SPG7: variants seen among roughly 807,000 people sequenced by gnomAD.
SPG7 encodes SPG7 matrix AAA peptidase subunit, paraplegin.
SPG7 carries 103 observed loss-of-function variants against 81.9 expected under a neutral mutation model. The ratio of observed to expected loss-of-function variants is 1.26; its 90% CI spans 1.07 to 1.48. The LOEUF is 1.48. Among genes scored for constraint, SPG7 ranks in the 40% most tolerant of loss-of-function variants. SPG7 has a pLI of 0.00. For missense variants in SPG7, 1,241 were observed against 1,087.3 expected (o/e 1.14, Z -1.99); for synonymous variants, 534 against 444.2 (o/e 1.20, Z -2.54).
rs759852509 is a variant in SPG7, at chr16:89,546,633, G to C, written c.1450-25G>C. 9 of 1,555,262 alleles carry C rather than the reference G, an allele frequency of 5.8e-6. 1 individual carries two copies. In the Admixed American group the frequency reaches 1.3e-4, roughly 23 times the overall value. On this transcript the variant is annotated intron_variant, in intron 10 of 16. Transcript: ENST00000645818. ...GCAGTAACTAGGCTTGAGCCCGACT[G>C]TCTTTCCTCCCCTGGTTCTGGCAGG...
At chr16:89,542,941 C>CTTTTTT (rs60645680) in intron 9 of SPG7, 51 of 84,666 alleles carry the variant, frequency 6.0e-4, no homozygotes, top group African/African-American at 8.6e-4. Context: ...AGATCCTGTT[C>CTTTTTT]TTTTTTTTTT....
chr16:89,550,258 C>T (rs771435611), intron 12 of SPG7: 5 of 469,854 alleles, frequency 1.1e-5, no homozygotes, highest in African/African-American at 4.0e-5. Flanking sequence ...CTGTAACCTC[C>T]GTCTCTCAGG....
In SPG7 at chr16:89,508,427, C is replaced by T. The variant is rs2057958304; in HGVS notation, c.10C>T (p.Leu4=). 2 of 1,480,416 alleles carry T rather than the reference C, an allele frequency of 1.4e-6. No homozygotes were observed. The highest frequency in any genetic ancestry group is 1.8e-6 in the Non-Finnish European group (2 of 1,120,882). 91.7% of individuals were successfully genotyped at this position (1,480,416 alleles called of 1,614,324 possible). A position where few individuals can be genotyped will look rare whatever the true frequency, so the allele number is the denominator to read the frequency against. MAV[L]LLLLRALRRG... ...CGGCTTTCAGGCCAACATGGCCGTG[C>T]TGCTGCTGCTGCTCCGTGCCCTCCG... is the stretch of plus-strand genomic sequence containing the variant. The change falls in exon 1 of 17, where the codon CTG becomes TTG. Residue 4 remains leucine (L), a synonymous_variant. Coordinates refer to ENST00000645818, the MANE Select transcript of SPG7 (RefSeq NM_003119.4).
chr16:89,540,859 C>T (rs1266041147), intron 9 of SPG7: 16 of 971,744 alleles, frequency 1.6e-5, no homozygotes, highest in South Asian at 1.4e-4. Context: ...CGCCGACGCT[C>T]ATTTACCTGT....
chr16:89,536,891 G>T, intron 9 of SPG7: 2 of 1,614,186 alleles, frequency 1.2e-6, no homozygotes, highest in Non-Finnish European at 8.5e-7. Flanking sequence ...TCGCTCTGCT[G>T]GGGTTGCCTT....
chr16:89,532,093 G>A, intron 8 of SPG7, 27 bp downstream of exon 8: 1 of 1,608,754 alleles, frequency 6.2e-7, no homozygotes, highest in Non-Finnish European at 8.5e-7. Flanking sequence ...GGGGCTGTGG[G>A]TGGGCTTGGC....
intron 3 of SPG7, chr16:89,523,299 A>G: frequency 4.2e-6 from 1 of 238,536 alleles, no homozygotes; most frequent in South Asian, 5.2e-5. Flanking sequence ...GATAACCTAC[A>G]ACTTTCTGTT....
intron 13 of SPG7, chr16:89,551,507 CATGGGACCAGAGCTAG>C (rs944389269): frequency 2.0e-5 from 3 of 152,490 alleles, no homozygotes; most frequent in African/African-American, 7.2e-5. Flanking sequence ...GCACCACAGT[CATGGGACCAGAGCTAG>C]GCCCACTGTG....
Position 89,523,949 on chromosome 16 carries a change from C to T in SPG7, c.377-57C>T, listed in dbSNP as rs550993502. 6.0e-5 allele frequency: 96 copies of T among 1,601,098 alleles called. No individual in the cohort carries two copies. The East Asian group carries it at 1.2e-3, about 20-fold the overall frequency. ...GCTTTCCTGAGGAAGCTCTGGATGT[C>T]GCCCGTGTCTGTTGCTCATGTGTTT... On this transcript the variant is annotated intron_variant, in intron 3 of 16. Transcript: ENST00000645818.
chr16:89,530,507 C>T (rs987444352), intron 6 of SPG7, 176 bp from the exon 7 acceptor site: 3 of 738,618 alleles, frequency 4.1e-6, no homozygotes, highest in South Asian at 1.5e-5. Flanking sequence ...GAAACATTTC[C>T]CTTCTGTGCT....
intron 11 of SPG7, chr16:89,547,767 C>G (rs2058582258): frequency 8.4e-6 from 4 of 474,840 alleles, no homozygotes; most frequent in Non-Finnish European, 1.6e-5. Flanking sequence ...CGCTCACCAC[C>G]ACGCCCGGCT....
intron 16 of SPG7, 87 bp from the exon 17 acceptor site, chr16:89,556,800 C>T: frequency 9.6e-7 from 1 of 1,042,134 alleles, no homozygotes; most frequent in Admixed American, 1.7e-5. Context: ...CACAGACAGG[C>T]CCTCACGCCT....
intron 3 of SPG7, chr16:89,514,225 A>T (rs2058060816): frequency 6.6e-6 from 1 of 150,834 alleles, no homozygotes. Context: ...AAGACTTCTG[A>T]ATCTTCATAC....
chr16:89,531,681 A>G, intron 7 of SPG7: 2 of 573,982 alleles, frequency 3.5e-6, no homozygotes, highest in Non-Finnish European at 6.2e-6. Flanking sequence ...GCCTGCAAGA[A>G]GTTTTTAAAA....
chr16:89,546,448 C>A (rs2058564212), intron 10 of SPG7: 1 of 549,070 alleles, frequency 1.8e-6, no homozygotes, highest in Non-Finnish European at 3.4e-6. Flanking sequence ...GAGGCCGAGG[C>A]AGGTGGATCA....
intron 3 of SPG7, among the ~76,000 whole-genome samples, chr16:89,515,833 G>A (rs1325130649): frequency 6.6e-6 from 1 of 150,792 alleles, no homozygotes. Flanking sequence ...TCAGCCTCTC[G>A]AGTAGCTGGG....
chr16:89,530,949 A>T, intron 7 of SPG7, 141 bp downstream of exon 7: 1 of 1,114,848 alleles, frequency 9.0e-7, no homozygotes, highest in Non-Finnish European at 1.3e-6. Context: ...CCATGGGGAC[A>T]CCAAGCAGGT....
chr16:89,545,032 G>T lies in SPG7; in HGVS notation c.1449+260G>T. On this transcript the variant is annotated intron_variant, in intron 10 of 16. Transcript: ENST00000645818. The stretch of plus-strand genomic sequence containing the variant: ...CCAATGGCTGCACTCACTGCTCGGG[G>T]TTTTGCAGTTCTGTTCACCTGCTAT... 7 of 536,920 alleles carry T rather than the reference G, an allele frequency of 1.3e-5. 1 individual carries two copies. Among genetic ancestry groups the T allele is most frequent in the South Asian group, 5.9e-5 (3 of 51,222 alleles). 33.3% of individuals were successfully genotyped at this position (536,920 alleles called of 1,614,324 possible).
chr16:89,526,847 G>A (rs1423487662), intron 5 of SPG7: 3 of 326,862 alleles, frequency 9.2e-6, no homozygotes, highest in African/African-American at 2.2e-5. Context: ...GTAGGATGCC[G>A]AAGTCTCAGC....
Sources: allele counts gnomAD v4.1 joint callset (sites outside exome capture counted in the v4.1 genomes callset), GRCh38; gene constraint gnomAD v4.1.1; transcripts MANE v1.5; gene names NCBI Gene and HGNC (gene_info 2026-07-23, HGNC 2026-07-21).